Variants in PLSCR4 observed in about 807,000 individuals in gnomAD.
PLSCR4 encodes the protein Ca(2+)-dependent phospholipid scramblase 4.
PLSCR4 carries 25 observed loss-of-function variants against 36.3 expected under a neutral mutation model. That is an observed-to-expected ratio of 0.69 (90% CI 0.50 to 0.96). The LOEUF is 0.96. Ranked by LOEUF, PLSCR4 falls within the 40% of genes least tolerant of loss-of-function variation. The probability of loss-of-function intolerance (pLI) is 0.00; values close to 1 mark genes in which losing one functional copy is unlikely to be tolerated. For missense variants in PLSCR4, 408 were observed against 414.7 expected, an observed-to-expected ratio of 0.98 and a Z score of 0.14; for synonymous variants, 122 against 132.9, an observed-to-expected ratio of 0.92 and a Z score of 0.56.
chr3:146,239,983 G>C (rs766535633), intron 1 of PLSCR4, among the ~76,000 whole-genome samples: 2 of 152,056 alleles, frequency 1.3e-5, no homozygotes, highest in Non-Finnish European at 1.5e-5. Context: ...TTAGGCAATG[G>C]TTTCATTGAT....
intron 3 of PLSCR4, among the ~76,000 whole-genome samples, chr3:146,218,417 T>G (rs1308454350): frequency 6.6e-6 from 1 of 151,832 alleles, no homozygotes; most frequent in Non-Finnish European, 1.5e-5. Context: ...TTATAAAATT[T>G]GAAGATCAAT....
intron 3 of PLSCR4, among the ~76,000 whole-genome samples, chr3:146,215,224 A>C (rs2034836653): frequency 6.6e-6 from 1 of 152,004 alleles, no homozygotes; most frequent in Non-Finnish European, 1.5e-5. Flanking sequence ...ATAAAATAGA[A>C]AATATGAAAC....
chr3:146,217,053 A>ATTT (rs1190009412), intron 3 of PLSCR4, among the ~76,000 whole-genome samples: 3 of 152,186 alleles, frequency 2.0e-5, no homozygotes, highest in East Asian at 1.9e-4. Context: ...CCTCAAGCCC[A>ATTT]TTTCAAGGAC....
intron 1 of PLSCR4, among the ~76,000 whole-genome samples, chr3:146,248,277 C>G (rs2036420467): frequency 6.6e-6 from 1 of 152,108 alleles, no homozygotes; most frequent in East Asian, 1.9e-4. Context: ...TAAATGACAG[C>G]TAATATATTC....
chr3:146,218,729 C>T (rs1431998506), intron 3 of PLSCR4, among the ~76,000 whole-genome samples: 1 of 152,104 alleles, frequency 6.6e-6, no homozygotes, highest in Non-Finnish European at 1.5e-5. Flanking sequence ...ACTATAGCAT[C>T]TCAGACTTAC....
In PLSCR4 at chr3:146,209,489, A is replaced by AT. The variant is rs916555014; in HGVS notation, c.119-2729dup. Among the ~76,000 whole-genome samples, 12 of 152,186 alleles carry AT rather than the reference A, an allele frequency of 7.9e-5. No homozygotes were observed. In the South Asian group the frequency reaches 1.7e-3, roughly 21 times the overall value. On this transcript the variant is annotated intron_variant, in intron 3 of 8. Coordinates refer to ENST00000354952, the MANE Select transcript of PLSCR4 (RefSeq NM_020353.3). ...CAACAGCTAATGTTTGACTTTAGGA[A>AT]TTTTTTTATCAAGGTCTCTTAAGAT... is the stretch of plus-strand genomic sequence containing the variant.
intron 6 of PLSCR4, among the ~76,000 whole-genome samples, chr3:146,199,357 C>T (rs2033917466): frequency 6.6e-6 from 1 of 152,132 alleles, no homozygotes; most frequent in Admixed American, 6.5e-5. Context: ...CCAAATGTAA[C>T]ACCTCAGCCA....
At position 146,196,725 on chromosome 3, in the gene PLSCR4, C is replaced by T. The variant is rs375062221; in HGVS notation, c.693G>A (p.Ala231=). 49 of 1,613,630 alleles carry T rather than the reference C, an allele frequency of 3.0e-5. No individual in the cohort carries two copies. The highest frequency in any genetic ancestry group is 6.6e-5 in the South Asian group (6 of 91,076). The stretch of plus-strand genomic sequence containing the variant: ...TCTTCTCATTTTGGATGCTGTACAC[C>T]GCCCTGCACAGGTTCCAATGTTCCG... ...FVAEHWNLCR[A]VYSIQNEKKE... The change falls in exon 7 of 9, where the codon GCG becomes GCA. Residue 231 remains alanine (A), a synonymous_variant. Coordinates refer to ENST00000354952, the MANE Select transcript of PLSCR4 (RefSeq NM_020353.3).
chr3:146,205,339 C>T (rs1426239027), intron 4 of PLSCR4, among the ~76,000 whole-genome samples: 1 of 151,912 alleles, frequency 6.6e-6, no homozygotes, highest in Non-Finnish European at 1.5e-5. Context: ...TTCTTCTTTA[C>T]AATTTCATGG....
intron 1 of PLSCR4, among the ~76,000 whole-genome samples, chr3:146,225,163 G>T (rs1283395896): frequency 6.6e-6 from 1 of 151,868 alleles, no homozygotes; most frequent in Non-Finnish European, 1.5e-5. Flanking sequence ...GCTAAACACA[G>T]GGTGCTGATT....
intron 1 of PLSCR4, among the ~76,000 whole-genome samples, chr3:146,229,781 C>T (rs879623942): frequency 2.4e-4 from 36 of 151,992 alleles, no homozygotes; most frequent in Non-Finnish European, 4.3e-4. Context: ...CCCGCCACCA[C>T]GCCTGGCTAA....
At chr3:146,226,976 TATTCC>T (rs1218862685) in intron 1 of PLSCR4, among the ~76,000 whole-genome samples, 3 of 61,590 alleles carry the variant, frequency 4.9e-5, no homozygotes, top group Non-Finnish European at 6.8e-5. Flanking sequence ...CCCTATATTC[TATTCC>T]CTTTCTTATA....
intron 5 of PLSCR4, among the ~76,000 whole-genome samples, chr3:146,200,511 G>T (rs1231259868): frequency 6.6e-6 from 1 of 152,034 alleles, no homozygotes; most frequent in Non-Finnish European, 1.5e-5. Flanking sequence ...TTTAGTGAGG[G>T]TCAGTACTCT....
chr3:146,239,675 G>T (rs917560749), intron 1 of PLSCR4, among the ~76,000 whole-genome samples: 1 of 152,086 alleles, frequency 6.6e-6, no homozygotes, highest in Non-Finnish European at 1.5e-5. Context: ...CCTGAGGTTG[G>T]GAGTTCGAGA....
rs2033760076 is a variant in PLSCR4, at chr3:146,196,673, G to A, written c.745C>T (p.Pro249Ser). 6.2e-7 allele frequency: 1 copy of A among 1,613,892 alleles called. No individual in the cohort carries two copies. Among genetic ancestry groups the A allele is most frequent in the Non-Finnish European group, 8.5e-7 (1 of 1,179,876 alleles). ...KKENVMRVRG[P>S]CSTYGCGSDS... is the part of the protein sequence containing the mutation. ...GAACCACAGCCATAGGTTGAGCATGGCCCACGAACTCTCATCACATTTTCT... is the reference window on the plus strand; with the variant it reads ...GAACCACAGCCATAGGTTGAGCATGACCCACGAACTCTCATCACATTTTCT... The change falls in exon 7 of 9, where the codon CCA becomes TCA. Residue 249 changes from proline (P) to serine (S), a missense_variant. Physicochemically the swap from Pro to Ser is moderately conservative, Grantham distance 74. Coordinates refer to ENST00000354952, the MANE Select transcript of PLSCR4 (RefSeq NM_020353.3).
rs185354159 is a variant in PLSCR4 at position 146,206,796 on chromosome 3, T to A, written c.119-35A>T. The stretch of plus-strand genomic sequence containing the variant: ...AAAGAAATCAAAGTGTTATATATTA[T>A]TAACACTAAAGTTAGCATAACTTTT... On this transcript the variant is annotated intron_variant, in intron 3 of 8. Transcript: ENST00000354952. 7,441 of 1,288,948 alleles carry A rather than the reference T, an allele frequency of 5.8e-3. 319 individuals are homozygous for A. In the Admixed American group the frequency reaches 0.1, roughly 18 times the overall value. 79.8% of individuals were successfully genotyped at this position (1,288,948 alleles called of 1,614,324 possible).
intron 4 of PLSCR4, 94 bp downstream of exon 4, chr3:146,206,432 C>T: frequency 1.2e-6 from 1 of 834,414 alleles, no homozygotes; most frequent in Non-Finnish European, 2.0e-6. Flanking sequence ...ACTGACCCAT[C>T]TCCTTTATTC....
rs202130443 is a variant in PLSCR4 at position 146,241,120 on chromosome 3, G to A, written c.-22+9840C>T. On this transcript the variant is annotated intron_variant, in intron 1 of 8. Coordinates refer to ENST00000354952, the MANE Select transcript of PLSCR4 (RefSeq NM_020353.3). Reference sequence around the variant, plus strand: ...ATATAGTACATGATTCTACTGATGTGAACTATCCAGAATAGGCAAGTTTAT... The same window carrying A: ...ATATAGTACATGATTCTACTGATGTAAACTATCCAGAATAGGCAAGTTTAT... Among the ~76,000 whole-genome samples, 9 of 152,264 alleles carry A rather than the reference G, an allele frequency of 5.9e-5. No homozygotes were observed. In the East Asian group the frequency reaches 1.7e-3, roughly 29 times the overall value.
chr3:146,227,573 C>G (rs1454368895), intron 1 of PLSCR4, among the ~76,000 whole-genome samples: 1 of 152,092 alleles, frequency 6.6e-6, no homozygotes, highest in Non-Finnish European at 1.5e-5. Flanking sequence ...AGAACTCACA[C>G]CAGGGATATT....
Sources: allele counts gnomAD v4.1 joint callset (sites outside exome capture counted in the v4.1 genomes callset), GRCh38; gene constraint gnomAD v4.1.1; transcripts MANE v1.5; gene names NCBI Gene and HGNC (gene_info 2026-07-23, HGNC 2026-07-21).